The following CCT5 variants were observed in gnomAD, a reference collection of about 807,000 sequenced individuals.
CCT5 encodes chaperonin containing TCP1 subunit 5, also known as T-complex protein 1 subunit epsilon.
Under a neutral mutation model 55.0 loss-of-function variants are expected in CCT5, and 6 were observed. The ratio of observed to expected loss-of-function variants is 0.11; its 90% CI spans 0.06 to 0.22. CCT5 has a LOEUF of 0.22. Among genes scored for constraint, CCT5 ranks in the 10% least tolerant of loss-of-function variants. The probability of loss-of-function intolerance (pLI) is 1.00; values close to 1 mark genes in which losing one functional copy is unlikely to be tolerated. For synonymous variants in CCT5, 231 were observed against 243.7 expected, an observed-to-expected ratio of 0.95 and a Z score of 0.49; for missense variants, 560 against 694.6, an observed-to-expected ratio of 0.81 and a Z score of 2.18.
At position 10,266,213 on chromosome 5, in the gene CCT5, G is replaced by A. The variant is rs1048280495; in HGVS notation, c.*1430G>A. 2.0e-5 allele frequency: 3 copies of A among 152,124 alleles called. No homozygotes were observed. The highest frequency in any genetic ancestry group is 4.4e-5 in the Non-Finnish European group (3 of 68,028). 9.4% of individuals were successfully genotyped at this position (152,124 alleles called of 1,614,324 possible). On this transcript the variant is annotated 3_prime_UTR_variant, in exon 11 of 11. Coordinates refer to ENST00000280326, the MANE Select transcript of CCT5 (RefSeq NM_012073.5). Reference sequence around the variant, plus strand: ...TCTTTGGACCACAGTCTTATCCGAGGGGTCTGTGGTTGTATCAGAAGAGCC... The same window carrying A: ...TCTTTGGACCACAGTCTTATCCGAGAGGTCTGTGGTTGTATCAGAAGAGCC...
At chr5:10,251,574 C>T (rs536542320) in intron 1 of CCT5, among the ~76,000 whole-genome samples, 14 of 152,094 alleles carry the variant, frequency 9.2e-5, no homozygotes, top group Non-Finnish European at 2.1e-4. Context: ...AATACAGTTC[C>T]CCTATGGACT....
In CCT5 at chr5:10,254,694, G is replaced by T. The variant is rs764202392; in HGVS notation, c.187G>T (p.Asp63Tyr). The T allele has an allele frequency of 6.2e-7, 1 of 1,613,868 alleles. No homozygotes were observed. Among genetic ancestry groups the T allele is most frequent in the South Asian group, 1.1e-5 (1 of 91,078 alleles). The change falls in exon 3 of 11, where the codon GAT (aspartate) becomes TAT (tyrosine). Residue 63 changes from aspartate (D) to tyrosine (Y), a missense_variant. This residue lies in a region of CCT5 where 137 missense variants were observed against 181.9 expected (regional missense o/e 0.75). Coordinates refer to ENST00000280326, the MANE Select transcript of CCT5 (RefSeq NM_012073.5). ...TTTAGGGCTTGATAAGATGATGGTG[G>T]ATAAGGATGGAGATGTGACTGTAAC... The part of the protein sequence containing the change: ...GPNGLDKMMV[D>Y]KDGDVTVTND...
rs1208303917 is a variant in CCT5 at position 10,264,896 on chromosome 5, C to G, written c.*113C>G. 5.8e-6 allele frequency: 8 copies of G among 1,387,598 alleles called. No homozygotes were observed. The East Asian group carries it at 1.6e-4, about 28-fold the overall frequency. 86.0% of individuals were successfully genotyped at this position (1,387,598 alleles called of 1,614,324 possible). A position where few individuals can be genotyped will look rare whatever the true frequency, so the allele number is the denominator to read the frequency against. ...CATCCTTTTCCAGACACTGTAGATGCTATAATAAAAATAGCTGTTTGGTAA... is the reference window on the plus strand; with the variant it reads ...CATCCTTTTCCAGACACTGTAGATGGTATAATAAAAATAGCTGTTTGGTAA... On this transcript the variant is annotated 3_prime_UTR_variant, in exon 11 of 11. Coordinates refer to ENST00000280326, the MANE Select transcript of CCT5 (RefSeq NM_012073.5).
intron 3 of CCT5, chr5:10,255,162 C>T (rs74498471): frequency 2.7e-6 from 1 of 372,090 alleles, no homozygotes; most frequent in East Asian, 6.3e-5. Flanking sequence ...TGCTGAGTTT[C>T]CTGAGTGATC....
chr5:10,254,070 G>A, intron 1 of CCT5, 75 bp from the exon 2 acceptor site: 2 of 948,084 alleles, frequency 2.1e-6, no homozygotes, highest in Non-Finnish European at 3.5e-6. Flanking sequence ...AGTGATTTTT[G>A]TAGTCATCAG....
At chr5:10,255,138 A>G in intron 3 of CCT5, 1 of 404,890 alleles carries the variant, frequency 2.5e-6, no homozygotes, top group East Asian at 5.5e-5. Context: ...TTGATTTTGG[A>G]TCATGTACTG....
chr5:10,263,087 T>G (rs758084716), intron 9 of CCT5, 47 bp from the exon 10 acceptor site: 44 of 1,530,638 alleles, frequency 2.9e-5, no homozygotes, highest in Non-Finnish European at 3.7e-5. Context: ...GCCGCTGGGT[T>G]GTTTTGTTTC....
At chr5:10,257,105 G>A (rs1172046605) in intron 4 of CCT5, among the ~76,000 whole-genome samples, 1 of 152,176 alleles carries the variant, frequency 6.6e-6, no homozygotes, top group Non-Finnish European at 1.5e-5. Context: ...GTGTGCTTGT[G>A]GTGGTTTTAG....
intron 5 of CCT5, 29 bp from the exon 6 acceptor site, chr5:10,258,357 A>G: frequency 6.2e-7 from 1 of 1,614,090 alleles, no homozygotes; most frequent in Non-Finnish European, 8.5e-7. Context: ...TAATTCCACC[A>G]ATTAAAATGT....
intron 4 of CCT5, among the ~76,000 whole-genome samples, 161 bp downstream of exon 4, chr5:10,256,314 A>G (rs1302186171): frequency 6.6e-6 from 1 of 152,240 alleles, no homozygotes; most frequent in South Asian, 2.1e-4. Context: ...ATGTAGACAG[A>G]TGCATTTTGT....
In CCT5 at chr5:10,256,069, A is replaced by G; in HGVS notation, c.446A>G (p.Asp149Gly). The change falls in exon 4 of 11, where the codon GAC (aspartate) becomes GGC (glycine). Residue 149 changes from aspartate to glycine, a missense_variant. This residue lies in a region of CCT5 where 52 missense variants were observed against 35.3 expected (regional missense o/e 1.47). Transcript: ENST00000280326. Reference protein sequence around the residue: ...QAARVAIEHLDKISDSVLVDI... With the variant: ...QAARVAIEHLGKISDSVLVDI... ...GCTCGTGTTGCTATTGAACACCTGG[A>G]CAAGATCAGCGATAGCGTCCTTGTT... 6.2e-7 allele frequency: 1 copy of G among 1,614,130 alleles called. No homozygotes were observed. Among genetic ancestry groups the G allele is most frequent in the Non-Finnish European group, 8.5e-7 (1 of 1,179,972 alleles).
intron 3 of CCT5, 179 bp downstream of exon 3, chr5:10,255,017 C>A: frequency 1.6e-6 from 1 of 629,374 alleles, no homozygotes; most frequent in Non-Finnish European, 2.9e-6. Context: ...TACAAAAGAA[C>A]AGAAAGAGGG....
intron 6 of CCT5, 37 bp from the exon 7 acceptor site, chr5:10,260,755 C>A: frequency 6.2e-7 from 1 of 1,611,094 alleles, no homozygotes; most frequent in Non-Finnish European, 8.5e-7. Flanking sequence ...TAAATACCCA[C>A]TTTCTCTTAA....
chr5:10,260,183 G>C lies in CCT5; in HGVS notation c.874-609G>C, dbSNP rs140987479. On this transcript the variant is annotated intron_variant, in intron 6 of 10. Transcript: ENST00000280326. ...AGGTAAGCCAGAGTTGTGGGGCACG[G>C]TGTGGCAGTCCCAGGTGAGCACCAG... Among the ~76,000 whole-genome samples the C allele has an allele frequency of 3.3e-5, 5 of 152,334 alleles. No individual in the cohort carries two copies. In the South Asian group the frequency reaches 1.0e-3, roughly 32 times the overall value.
At position 10,258,422 on chromosome 5, in the gene CCT5, C is replaced by G. The variant is rs2126507971; in HGVS notation, c.760C>G (p.Pro254Ala). 1 of 1,614,180 alleles carries G rather than the reference C, an allele frequency of 6.2e-7. No homozygotes were observed. Among genetic ancestry groups the G allele is most frequent in the Middle Eastern group, 1.6e-4 (1 of 6,062 alleles). ...TGCGAAGATTGCAATTCTCACATGT[C>G]CATTTGAACCACCCAAACCAAAAAC... ...EDAKIAILTC[P>A]FEPPKPKTKH... Residue 254 changes from proline to alanine, a missense_variant, in exon 6 of 11, where the codon CCA (proline) becomes GCA (alanine). Coordinates refer to ENST00000280326, the MANE Select transcript of CCT5 (RefSeq NM_012073.5).
chr5:10,254,506 T>C (rs1745581443), intron 2 of CCT5, 168 bp from the exon 3 acceptor site: 6 of 683,922 alleles, frequency 8.8e-6, no homozygotes, highest in Admixed American at 6.5e-5. Flanking sequence ...TTGCCAATTA[T>C]GTTAGCCAAT....
Position 10,265,435 on chromosome 5 carries a change from A to T in CCT5, c.*652A>T, listed in dbSNP as rs1423090034. 6.6e-6 allele frequency: 1 copy of T among 152,532 alleles called. No individual in the cohort carries two copies. Among genetic ancestry groups the T allele is most frequent in the Admixed American group, 6.5e-5 (1 of 15,306 alleles). The allele number at this position is 152,532 out of a possible 1,614,324, so 9.4% of individuals were successfully genotyped here. Reference sequence around the variant, plus strand: ...CCAGCACAGGCTTAGGGCAGTTCAGAACCCACTTGTTTCCCTATCAGAGGG... The same window carrying T: ...CCAGCACAGGCTTAGGGCAGTTCAGTACCCACTTGTTTCCCTATCAGAGGG... On this transcript the variant is annotated 3_prime_UTR_variant, in exon 11 of 11. Coordinates refer to ENST00000280326, the MANE Select transcript of CCT5 (RefSeq NM_012073.5).
At chr5:10,251,076 A>G (rs1745376487) in intron 1 of CCT5, among the ~76,000 whole-genome samples, 1 of 152,192 alleles carries the variant, frequency 6.6e-6, no homozygotes, top group Non-Finnish European at 1.5e-5. Flanking sequence ...GATCGGGGTG[A>G]GAGGTAGCAT....
At chr5:10,250,778 C>T (rs1345708932) in intron 1 of CCT5, 1 of 1,200,402 alleles carries the variant, frequency 8.3e-7, no homozygotes, top group Non-Finnish European at 1.0e-6. Flanking sequence ...TGGGACTGCG[C>T]TCCAGTGGGA....
Sources: gnomAD v4.1 joint callset for allele counts (sites outside exome capture counted in the v4.1 genomes callset) on GRCh38, gnomAD v4.1.1 for gene constraint, gnomAD v4.1.1 regional missense constraint, MANE v1.5 for transcripts, NCBI Gene and HGNC (gene_info 2026-07-23, HGNC 2026-07-21) for gene names.